HTR1F: variants seen among roughly 807,000 people sequenced by gnomAD.
HTR1F encodes 5-hydroxytryptamine receptor 1F.
In HTR1F, 17 loss-of-function variants were observed where a neutral mutation model predicts 24.0. That is an observed-to-expected ratio of 0.71 (90% CI 0.48 to 1.06). HTR1F has a LOEUF of 1.06. HTR1F is among the 50% of genes least tolerant of loss of function. The pLI, the probability that HTR1F is intolerant of heterozygous loss-of-function variation, is 0.00. For synonymous variants in HTR1F, 186 were observed against 156.8 expected (o/e 1.19, Z -1.39); for missense variants, 391 against 427.8 (o/e 0.91, Z 0.76).
chr3:87,859,164 C>T (rs1311699582), intron 2 of HTR1F, among the ~76,000 whole-genome samples: 2 of 152,210 alleles, frequency 1.3e-5, no homozygotes, highest in Admixed American at 1.3e-4. Context: ...TGCCACTGCA[C>T]TCCAGCCTCG....
At chr3:87,890,504 C>T (rs1706055140) in intron 2 of HTR1F, among the ~76,000 whole-genome samples, 1 of 148,810 alleles carries the variant, frequency 6.7e-6, no homozygotes, top group Non-Finnish European at 1.5e-5. Flanking sequence ...ATGTAAGTAA[C>T]TATCCTCTCC....
intron 2 of HTR1F, among the ~76,000 whole-genome samples, chr3:87,964,381 A>G (rs552115397): frequency 6.6e-6 from 1 of 152,334 alleles, no homozygotes; most frequent in South Asian, 2.1e-4. Context: ...ATTCTAAAAT[A>G]CTATTTGATA....
At chr3:87,839,394 T>C (rs1704752002) in intron 2 of HTR1F, among the ~76,000 whole-genome samples, 1 of 152,264 alleles carries the variant, frequency 6.6e-6, no homozygotes, top group Middle Eastern at 3.4e-3. Flanking sequence ...CTGAGTTCTG[T>C]ATTCTGTCCC....
At chr3:87,978,890 GAGGAAGGAAGGA>G (rs1184108024) in intron 2 of HTR1F, among the ~76,000 whole-genome samples, 1,547 of 46,018 alleles carry the variant, frequency 0.034, 53 homozygotes, top group African/African-American at 0.089. Context: ...GGGAGGGAGG[GAGGAAGGAAGGA>G]AGGAAGGAAG....
chr3:87,873,414 G>T (rs948191734), intron 2 of HTR1F, among the ~76,000 whole-genome samples: 1 of 152,096 alleles, frequency 6.6e-6, no homozygotes, highest in Non-Finnish European at 1.5e-5. Context: ...GAGCAGAGAA[G>T]ATGAATGCTC....
chr3:87,993,474 A>G lies in HTR1F; in HGVS notation c.*1624A>G, dbSNP rs1322079524. The G allele has an allele frequency of 1.2e-5, 2 of 166,952 alleles. No homozygotes were observed. The highest frequency in any genetic ancestry group is 2.9e-5 in the Non-Finnish European group (2 of 68,122). 10.3% of individuals were successfully genotyped at this position (166,952 alleles called of 1,614,324 possible). A position where few individuals can be genotyped will look rare whatever the true frequency, so the allele number is the denominator to read the frequency against. ...TTACACAGTTATGATGGTGCAGAGG[A>G]AAAACTGATCGCATCTTGTTTAGAA... On this transcript the variant is annotated 3_prime_UTR_variant, in exon 3 of 3. Transcript: ENST00000319595.
intron 2 of HTR1F, among the ~76,000 whole-genome samples, chr3:87,823,185 T>C (rs567134626): frequency 6.6e-6 from 1 of 152,320 alleles, no homozygotes; most frequent in African/African-American, 2.4e-5. Flanking sequence ...TTTAATTAAA[T>C]GGATGGCAGG....
chr3:87,793,476 C>G (rs1287164889), intron 1 of HTR1F: 3 of 152,010 alleles, frequency 2.0e-5, no homozygotes, highest in African/African-American at 7.3e-5. Context: ...GCCTAGTTGC[C>G]GCAGGTCTGA....
intron 2 of HTR1F, among the ~76,000 whole-genome samples, chr3:87,962,051 T>C (rs1313257951): frequency 5.9e-5 from 9 of 152,094 alleles, no homozygotes; most frequent in African/African-American, 2.2e-4. Context: ...CAATGTGCTA[T>C]CTACATTGCA....
intron 2 of HTR1F, among the ~76,000 whole-genome samples, chr3:87,944,691 G>T (rs545079404): frequency 1.3e-5 from 2 of 152,318 alleles, no homozygotes; most frequent in Non-Finnish European, 2.9e-5. Context: ...AGCTATCTTT[G>T]TGCTTTTTTT....
intron 2 of HTR1F, among the ~76,000 whole-genome samples, chr3:87,951,245 A>G (rs1344311360): frequency 1.3e-5 from 2 of 152,170 alleles, no homozygotes; most frequent in Non-Finnish European, 2.9e-5. Context: ...AATGTCTAAA[A>G]CATATTATTT....
Position 87,991,811 on chromosome 3 carries a change from CAAGAAAG to C in HTR1F, c.1063_1069del (p.Lys355HisfsTer18). The C allele has an allele frequency of 6.3e-7, 1 of 1,589,826 alleles. No homozygotes were observed. Among genetic ancestry groups the C allele is most frequent in the African/African-American group, 1.4e-5 (1 of 73,742 alleles). ...TTTACACAATCTTTAATGAAGACTTCAAGAAAGCATTCCAAAAGCTTGTGCGATGTCG... is the reference window on the plus strand; with the variant it reads ...TTTACACAATCTTTAATGAAGACTTCCATTCCAAAAGCTTGTGCGATGTCG... On this transcript the variant is annotated frameshift_variant, in exon 3 of 3. Coordinates refer to ENST00000319595, the MANE Select transcript of HTR1F (RefSeq NM_001322209.2). LOFTEE classifies it high-confidence loss of function.
At chr3:87,973,770 T>C (rs568147159) in intron 2 of HTR1F, among the ~76,000 whole-genome samples, 2 of 152,332 alleles carry the variant, frequency 1.3e-5, no homozygotes, top group South Asian at 2.1e-4. Flanking sequence ...TCATTATTAT[T>C]AGTTAACAAT....
chr3:87,880,474 T>A (rs1226739752), intron 2 of HTR1F, among the ~76,000 whole-genome samples: 1 of 152,174 alleles, frequency 6.6e-6, no homozygotes, highest in Non-Finnish European at 1.5e-5. Context: ...ATAGTGAGTA[T>A]TAGAAACCTG....
chr3:87,881,151 G>C (rs948583240), intron 2 of HTR1F, among the ~76,000 whole-genome samples: 4 of 152,184 alleles, frequency 2.6e-5, no homozygotes, highest in African/African-American at 9.7e-5. Context: ...AAGTGCAAGG[G>C]GTCAGGAGAT....
chr3:87,920,078 G>A (rs7633622), intron 2 of HTR1F, among the ~76,000 whole-genome samples: 59,482 of 148,276 alleles, frequency 0.4, 12,361 homozygotes, highest in African/African-American at 0.5. Context: ...CCATAAAAAG[G>A]AATGAATTAA....
chr3:87,871,650 C>T (rs981730979), intron 2 of HTR1F, among the ~76,000 whole-genome samples: 1 of 151,970 alleles, frequency 6.6e-6, no homozygotes, highest in Non-Finnish European at 1.5e-5. Context: ...AAAAAATTAT[C>T]TTGAAAGCCC....
chr3:87,892,633 G>A (rs1476271870), intron 2 of HTR1F, among the ~76,000 whole-genome samples: 9 of 152,106 alleles, frequency 5.9e-5, no homozygotes, highest in Admixed American at 1.3e-4. Flanking sequence ...AGGTGTTCCC[G>A]AAATGTTAAT....
intron 2 of HTR1F, among the ~76,000 whole-genome samples, chr3:87,840,602 A>C (rs2130352): frequency 6.6e-6 from 1 of 151,928 alleles, no homozygotes; most frequent in Non-Finnish European, 1.5e-5. Context: ...ACTGGAGTAT[A>C]CCCAAAGTAC....
Sources: allele counts gnomAD v4.1 joint callset (sites outside exome capture counted in the v4.1 genomes callset), GRCh38; gene constraint gnomAD v4.1.1; transcripts MANE v1.5; gene names NCBI Gene and HGNC (gene_info 2026-07-23, HGNC 2026-07-21).